Variants in ATRN observed in about 807,000 individuals in gnomAD.
ATRN encodes attractin-2.
ATRN carries 54 observed loss-of-function variants against 178.7 expected under a neutral mutation model. That is an observed-to-expected ratio of 0.30 (90% confidence interval 0.24 to 0.38). The LOEUF (loss-of-function observed/expected upper bound fraction) is 0.38. Ranked by LOEUF, ATRN falls within the 10% of genes least tolerant of loss-of-function variation. The pLI, the probability that ATRN is intolerant of heterozygous loss-of-function variation, is 1.00. For synonymous variants in ATRN, 636 were observed against 663.0 expected (o/e 0.96, Z 0.63); for missense variants, 1,443 against 1,815.1 (o/e 0.79, Z 3.73).
chr20:3,601,034 T>C lies in ATRN; in HGVS notation c.3643+10T>C. 1.3e-6 allele frequency: 2 copies of C among 1,599,766 alleles called. No homozygotes were observed. Among genetic ancestry groups the C allele is most frequent in the Non-Finnish European group, 1.7e-6 (2 of 1,168,206 alleles). ...GCTGCCAGTTTCTCAGGTAAAGACA[T>C]ACCTAGAGAAGACCCCGCAAATGAA... is the stretch of plus-strand genomic sequence containing the variant. On this transcript the variant is annotated intron_variant, in intron 23 of 28. Coordinates refer to ENST00000262919, the MANE Select transcript of ATRN (RefSeq NM_139321.3).
intron 25 of ATRN, among the ~76,000 whole-genome samples, chr20:3,628,013 A>G (rs1205567042): frequency 3.3e-5 from 5 of 152,196 alleles, no homozygotes; most frequent in Non-Finnish European, 7.3e-5. Flanking sequence ...TCTACTAAAA[A>G]TACAAAAAAT....
rs1335855515 is a variant in ATRN, at chr20:3,638,077, C to T, written c.3943-751C>T. ...ACACCATTTTATGTATTTGACAAGT[C>T]GACGTCATAGCATTAAATCCACAGT... On this transcript the variant is annotated intron_variant, in intron 26 of 28. Coordinates refer to ENST00000262919, the MANE Select transcript of ATRN (RefSeq NM_139321.3). The surrounding 1 kb of genome is among the most constrained non-coding windows in gnomAD (Gnocchi z 4.5). 7.2e-5 allele frequency among the ~76,000 whole-genome samples: 11 copies of T among 152,124 alleles called. 1 individual carries two copies. The highest frequency in any genetic ancestry group is 6.2e-4 in the South Asian group (3 of 4,830).
intron 18 of ATRN, among the ~76,000 whole-genome samples, chr20:3,587,420 AG>A (rs1408761089): frequency 6.6e-6 from 1 of 151,854 alleles, no homozygotes; most frequent in Admixed American, 6.5e-5. Flanking sequence ...GGTGTGAGGT[AG>A]GGGTCCAAAC....
chr20:3,502,146 A>T (rs924440256), intron 1 of ATRN, among the ~76,000 whole-genome samples: 1 of 152,196 alleles, frequency 6.6e-6, no homozygotes, highest in South Asian at 2.1e-4. Flanking sequence ...CATGTAATAA[A>T]TATTTACATA....
chr20:3,509,555 T>C (rs951668744), intron 1 of ATRN, among the ~76,000 whole-genome samples: 2 of 150,818 alleles, frequency 1.3e-5, no homozygotes, highest in Non-Finnish European at 2.9e-5. Flanking sequence ...TGGAGTGCAG[T>C]GGTGTGATCT....
intron 1 of ATRN, among the ~76,000 whole-genome samples, chr20:3,483,971 G>A (rs1230898754): frequency 1.3e-5 from 2 of 151,960 alleles, no homozygotes; most frequent in Non-Finnish European, 2.9e-5. Context: ...ACATGAGGCC[G>A]GGCATGATGA....
At chr20:3,556,226 T>C (rs235585) in intron 6 of ATRN, among the ~76,000 whole-genome samples, 121,541 of 152,180 alleles carry the variant, frequency 0.8, 48,855 homozygotes, top group East Asian at 1. Flanking sequence ...ACCTAACACA[T>C]GTAACAGACA....
intron 1 of ATRN, among the ~76,000 whole-genome samples, chr20:3,532,263 T>C (rs2085464902): frequency 6.6e-6 from 1 of 152,240 alleles, no homozygotes; most frequent in South Asian, 2.1e-4. Flanking sequence ...TAAAACCTTT[T>C]ATATTAGGCC....
At chr20:3,611,833 T>C (rs931657409) in intron 24 of ATRN, among the ~76,000 whole-genome samples, 5 of 152,138 alleles carry the variant, frequency 3.3e-5, no homozygotes, top group African/African-American at 1.2e-4. Context: ...AAATTAAAAA[T>C]AGTAATAACA....
intron 21 of ATRN, among the ~76,000 whole-genome samples, chr20:3,597,074 A>ATATATATATAT (rs1555822793): frequency 6.8e-6 from 1 of 147,014 alleles, no homozygotes; most frequent in South Asian, 2.1e-4. Flanking sequence ...ATATATATAT[A>ATATATATATAT]AAACTTCTAA....
intron 1 of ATRN, among the ~76,000 whole-genome samples, chr20:3,529,280 A>G (rs1374634257): frequency 6.6e-6 from 1 of 152,244 alleles, no homozygotes; most frequent in Non-Finnish European, 1.5e-5. Flanking sequence ...TAAGGTGGAA[A>G]CAGTTTGGCA....
intron 25 of ATRN, among the ~76,000 whole-genome samples, chr20:3,631,372 T>A (rs1417533768): frequency 6.6e-6 from 1 of 152,030 alleles, no homozygotes; most frequent in Non-Finnish European, 1.5e-5. Context: ...CGGGGGGAAA[T>A]TCGATGATTC....
At chr20:3,558,162 T>C (rs538390453) in intron 6 of ATRN, among the ~76,000 whole-genome samples, 1 of 152,330 alleles carries the variant, frequency 6.6e-6, no homozygotes, top group East Asian at 1.9e-4. Context: ...ATATATGTTA[T>C]ACATTACAGA....
chr20:3,591,091 T>G, intron 18 of ATRN, 78 bp from the exon 19 acceptor site: 1 of 1,375,748 alleles, frequency 7.3e-7, no homozygotes, highest in Non-Finnish European at 9.7e-7. Flanking sequence ...ACAGAGATAG[T>G]TGCAGATAAA....
chr20:3,556,554 A>G (rs1408852179), intron 6 of ATRN, among the ~76,000 whole-genome samples: 2 of 152,104 alleles, frequency 1.3e-5, no homozygotes. Flanking sequence ...CAGCCATCCT[A>G]GAGGGGTCGA....
At chr20:3,489,702 T>A in intron 1 of ATRN, 1 of 1,578,540 alleles carries the variant, frequency 6.3e-7, no homozygotes, top group Admixed American at 1.7e-5. Flanking sequence ...ATTAGCAAAG[T>A]GAGCAGTGTT....
Position 3,545,742 on chromosome 20 carries a change from G to A in ATRN, c.609-20G>A. 4 of 1,613,038 alleles carry A rather than the reference G, an allele frequency of 2.5e-6. No homozygotes were observed. The highest frequency in any genetic ancestry group is 3.4e-6 in the Non-Finnish European group (4 of 1,179,488). On this transcript the variant is annotated intron_variant, in intron 3 of 28. Transcript: ENST00000262919. ...TCTGTGCTTGTGCTTCCCTCTATAA[G>A]AAGTGTGTTTTCATTTCAGTGGCCT...
chr20:3,505,568 T>A lies in ATRN; in HGVS notation c.411-29685T>A, dbSNP rs555216571. 2.8e-4 allele frequency among the ~76,000 whole-genome samples: 42 copies of A among 152,332 alleles called. 1 individual carries two copies. Among genetic ancestry groups the A allele is most frequent in the African/African-American group, 9.4e-4 (39 of 41,572 alleles). Reference sequence around the variant, plus strand: ...TATAGGACTCTAAAAAATGTTCAAGTGACCTATAAGAAGGCAAGAAGAGAA... The same window carrying A: ...TATAGGACTCTAAAAAATGTTCAAGAGACCTATAAGAAGGCAAGAAGAGAA... On this transcript the variant is annotated intron_variant, in intron 1 of 28. Transcript: ENST00000262919.
chr20:3,637,655 T>C (rs1279608390), intron 26 of ATRN, among the ~76,000 whole-genome samples: 1 of 152,164 alleles, frequency 6.6e-6, no homozygotes, highest in Non-Finnish European at 1.5e-5. Context: ...CTTAATGATA[T>C]GTGAACGGCC....
Sources: gnomAD v4.1 joint callset for allele counts (sites outside exome capture counted in the v4.1 genomes callset) on GRCh38, gnomAD v4.1.1 for gene constraint, Gnocchi (gnomAD v3.1) non-coding constraint, MANE v1.5 for transcripts, NCBI Gene and HGNC (gene_info 2026-07-23, HGNC 2026-07-21) for gene names.